The following PTPRK variants were observed in gnomAD, a reference collection of about 807,000 sequenced individuals.
PTPRK encodes protein tyrosine phosphatase receptor type K, also known as receptor-type tyrosine-protein phosphatase kappa.
In PTPRK, 75 loss-of-function variants were observed where a neutral mutation model predicts 178.0. The ratio of observed to expected loss-of-function variants is 0.42; its 90% CI spans 0.35 to 0.51. The LOEUF is 0.51. Among genes scored for constraint, PTPRK ranks in the 20% least tolerant of loss-of-function variants. The probability of loss-of-function intolerance (pLI) is 0.02; values close to 1 mark genes in which losing one functional copy is unlikely to be tolerated. For synonymous variants in PTPRK, 637 were observed against 620.6 expected (o/e 1.03, Z -0.39); for missense variants, 1,441 against 1,797.8 (o/e 0.80, Z 3.59).
chr6:128,166,964 G>A (rs575221152), intron 7 of PTPRK, among the ~76,000 whole-genome samples: 239 of 151,720 alleles, frequency 1.6e-3, no homozygotes, highest in Non-Finnish European at 2.6e-3. Flanking sequence ...TGTTCCTGGA[G>A]TTATCAATAT....
chr6:128,085,953 G>A (rs1043635678), intron 8 of PTPRK, among the ~76,000 whole-genome samples: 6 of 152,184 alleles, frequency 3.9e-5, no homozygotes, highest in Non-Finnish European at 8.8e-5. Flanking sequence ...TACATTTGAA[G>A]GAAGATCATG....
chr6:128,226,761 C>CAAAT (rs1811376006), intron 5 of PTPRK, among the ~76,000 whole-genome samples: 2 of 109,540 alleles, frequency 1.8e-5, no homozygotes, highest in Non-Finnish European at 3.7e-5. Context: ...ATTATATAGA[C>CAAAT]ATATATATAT....
At chr6:128,215,524 C>T (rs80169159) in intron 6 of PTPRK, among the ~76,000 whole-genome samples, 2,475 of 152,212 alleles carry the variant, frequency 0.016, 32 homozygotes, top group African/African-American at 0.038. Context: ...AATACATTAT[C>T]GTTATTCAAA....
chr6:128,394,890 G>C (rs1160231392), intron 2 of PTPRK, among the ~76,000 whole-genome samples: 1 of 152,002 alleles, frequency 6.6e-6, no homozygotes. Context: ...AGTCCAAAAA[G>C]TTAATAAACA....
intron 2 of PTPRK, among the ~76,000 whole-genome samples, chr6:128,364,634 CAGAT>C (rs942764046): frequency 7.9e-5 from 12 of 152,024 alleles, no homozygotes; most frequent in Middle Eastern, 6.8e-3. Flanking sequence ...ATTAAACAGA[CAGAT>C]AAATAAATAA....
At chr6:128,131,207 T>C (rs542331028) in intron 7 of PTPRK, among the ~76,000 whole-genome samples, 1 of 152,200 alleles carries the variant, frequency 6.6e-6, no homozygotes, top group Non-Finnish European at 1.5e-5. Context: ...ATTCATGCCA[T>C]GGCTTTCTTT....
chr6:128,498,510 G>T (rs1325682139), intron 1 of PTPRK, among the ~76,000 whole-genome samples: 1 of 152,132 alleles, frequency 6.6e-6, no homozygotes, highest in Non-Finnish European at 1.5e-5. Flanking sequence ...TGAGGCTAAG[G>T]GAATGCTGGA....
At chr6:128,005,962 T>G (rs1484534356) in intron 14 of PTPRK, 8 of 1,284,636 alleles carry the variant, frequency 6.2e-6, no homozygotes, top group Non-Finnish European at 7.4e-6. Context: ...TCTGTTTTGT[T>G]TTTGAAAAGG....
intron 1 of PTPRK, among the ~76,000 whole-genome samples, chr6:128,476,046 T>G (rs1184396407): frequency 2.0e-5 from 3 of 152,068 alleles, no homozygotes; most frequent in African/African-American, 7.2e-5. Flanking sequence ...AAACAAGTTT[T>G]CCATTACAGT....
At chr6:127,981,037 A>C in intron 25 of PTPRK, 79 bp downstream of exon 25, 1 of 1,310,624 alleles carries the variant, frequency 7.6e-7, no homozygotes, top group Non-Finnish European at 1.0e-6. Context: ...ATTTCCTCGA[A>C]AAGAAAACTA....
intron 12 of PTPRK, among the ~76,000 whole-genome samples, chr6:128,065,538 C>A (rs1054750023): frequency 1.3e-5 from 2 of 152,126 alleles, no homozygotes; most frequent in African/African-American, 4.8e-5. Context: ...CCTGAATACA[C>A]AAGAGGTGAG....
intron 1 of PTPRK, among the ~76,000 whole-genome samples, chr6:128,441,025 T>G (rs1209889669): frequency 6.6e-6 from 1 of 152,156 alleles, no homozygotes; most frequent in Non-Finnish European, 1.5e-5. Flanking sequence ...CAACAGCATA[T>G]AAGAATTGCT....
chr6:128,022,212 G>T (rs1773619828), intron 13 of PTPRK, among the ~76,000 whole-genome samples: 2 of 152,182 alleles, frequency 1.3e-5, no homozygotes, highest in Admixed American at 1.3e-4. Flanking sequence ...GAAATTAAGT[G>T]CCTGTTAGTG....
chr6:128,235,440 C>A, intron 5 of PTPRK: 1 of 263,462 alleles, frequency 3.8e-6, no homozygotes, highest in Non-Finnish European at 8.3e-6. Flanking sequence ...GTTATAATTT[C>A]ACTTTTGATC....
chr6:128,461,403 C>T (rs1849031281), intron 1 of PTPRK, among the ~76,000 whole-genome samples: 1 of 152,034 alleles, frequency 6.6e-6, no homozygotes, highest in African/African-American at 2.4e-5. Flanking sequence ...GGAAAAACTG[C>T]ATTAAAATAA....
chr6:128,175,396 C>T (rs559686001), intron 7 of PTPRK, among the ~76,000 whole-genome samples: 2 of 151,906 alleles, frequency 1.3e-5, no homozygotes, highest in East Asian at 3.9e-4. Context: ...AAAAAAGGTA[C>T]ATTCATGATC....
intron 3 of PTPRK, among the ~76,000 whole-genome samples, chr6:128,244,444 G>A (rs776353985): frequency 5.3e-5 from 8 of 152,126 alleles, no homozygotes; most frequent in East Asian, 1.9e-4. Flanking sequence ...GGCCACCAGC[G>A]GATATAAAGC....
At chr6:128,143,035 A>G (rs1337614251) in intron 7 of PTPRK, among the ~76,000 whole-genome samples, 1 of 152,170 alleles carries the variant, frequency 6.6e-6, no homozygotes, top group African/African-American at 2.4e-5. Context: ...GAATTGAAAT[A>G]TTCAACAGTT....
At chr6:128,149,670 T>A (rs1796991048) in intron 7 of PTPRK, among the ~76,000 whole-genome samples, 1 of 152,182 alleles carries the variant, frequency 6.6e-6, no homozygotes, top group African/African-American at 2.4e-5. Flanking sequence ...GCAGAGTACT[T>A]GGTAAAGAAC....
Sources: gnomAD v4.1 joint callset for allele counts (sites outside exome capture counted in the v4.1 genomes callset) on GRCh38, gnomAD v4.1.1 for gene constraint, MANE v1.5 for transcripts, NCBI Gene and HGNC (gene_info 2026-07-23, HGNC 2026-07-21) for gene names.